Variants in ZMYM2 observed in about 807,000 individuals in gnomAD.
The protein encoded by ZMYM2 is zinc finger MYM-type protein 2.
ZMYM2 carries 56 observed loss-of-function variants against 162.8 expected under a neutral mutation model. The observed-to-expected ratio is 0.34, with a 90% CI of 0.28 to 0.43. The LOEUF is 0.43. ZMYM2 is among the 20% of genes least tolerant of loss of function. The pLI is 1.00. For missense variants in ZMYM2, 1,275 were observed against 1,621.8 expected (o/e 0.79, Z 3.67); for synonymous variants, 510 against 541.6 (o/e 0.94, Z 0.81).
At chr13:19,919,679 TC>T in the ZMYM2 span, among the ~76,000 whole-genome samples, 3 of 69,604 alleles carry the variant, frequency 4.3e-5, no homozygotes, top group African/African-American at 1.5e-4. Context: ...TTTTTCTTTT[TC>T]TTTTTTTTTT....
At chr13:19,988,747 C>T (rs1165388446) in intron 2 of ZMYM2, among the ~76,000 whole-genome samples, 2 of 152,116 alleles carry the variant, frequency 1.3e-5, no homozygotes, top group Non-Finnish European at 2.9e-5. Context: ...GATTGCGCCA[C>T]TGCATTCCAG....
At chr13:20,055,499 G>GGCC (rs1955720568) in intron 14 of ZMYM2, among the ~76,000 whole-genome samples, 1 of 152,120 alleles carries the variant, frequency 6.6e-6, no homozygotes, top group Non-Finnish European at 1.5e-5. Flanking sequence ...GATGATTTTT[G>GGCC]TTGTTTAGAA....
At chr13:19,999,805 A>G (rs529956668) in intron 3 of ZMYM2, among the ~76,000 whole-genome samples, 2 of 152,242 alleles carry the variant, frequency 1.3e-5, no homozygotes, top group South Asian at 4.1e-4. Flanking sequence ...ACAAAGTGAA[A>G]TAGCCTTTTT....
At chr13:19,875,744 G>A in the ZMYM2 span, among the ~76,000 whole-genome samples, 302 of 151,754 alleles carry the variant, frequency 2.0e-3, no homozygotes, top group African/African-American at 6.9e-3. Context: ...CAAATACTGC[G>A]TGTTCTCCCT....
In ZMYM2 at chr13:20,082,115, A is replaced by G. The variant is rs753692282; in HGVS notation, c.3553A>G (p.Ser1185Gly). ...TAAAATACTGCGAAGCTGGCAACCA[A>G]GCATACTTCCAGATGGTAATGCTAT... The part of the protein sequence containing the change: ...LNKILRSWQP[S>G]ILPDGSIFSR... The change falls in exon 22 of 25, where the codon AGC becomes GGC. Residue 1185 changes from serine (S) to glycine (G), a missense_variant. Ser to Gly is a moderately conservative substitution (Grantham distance 56). This residue lies in a region of ZMYM2 where 103 missense variants were observed against 192.2 expected (regional missense o/e 0.54). Transcript: ENST00000610343. 1 of 1,603,602 alleles carries G rather than the reference A, an allele frequency of 6.2e-7. No individual in the cohort carries two copies. The highest frequency in any genetic ancestry group is 1.1e-5 in the South Asian group (1 of 88,186).
chr13:19,886,467 C>T, the ZMYM2 span, among the ~76,000 whole-genome samples: 3 of 151,624 alleles, frequency 2.0e-5, no homozygotes, highest in Non-Finnish European at 2.9e-5. Context: ...CCAGCGAAAA[C>T]GATTAATATT....
At chr13:20,060,806 T>A (rs1161742055) in intron 16 of ZMYM2, among the ~76,000 whole-genome samples, 1 of 152,256 alleles carries the variant, frequency 6.6e-6, no homozygotes, top group Admixed American at 6.5e-5. Flanking sequence ...AGGGCTTGGC[T>A]ATTATAGTCC....
the ZMYM2 span, among the ~76,000 whole-genome samples, chr13:19,931,033 G>A: frequency 1.4e-4 from 21 of 151,290 alleles, no homozygotes; most frequent in African/African-American, 4.8e-4. Flanking sequence ...TAGCTACTTG[G>A]GGGGCTGAGG....
intron 5 of ZMYM2, 99 bp from the exon 6 acceptor site, chr13:20,006,275 G>A (rs1024638408): frequency 4.1e-6 from 5 of 1,230,044 alleles, no homozygotes; most frequent in East Asian, 5.2e-5. Context: ...CTCCAAACAA[G>A]CCTTATTAGG....
chr13:19,946,535 A>G, the ZMYM2 span, among the ~76,000 whole-genome samples: 81 of 152,032 alleles, frequency 5.3e-4, 2 homozygotes, highest in Non-Finnish European at 2.6e-4. Context: ...GTATAGCAGA[A>G]CTCTGATTCC....
intron 7 of ZMYM2, among the ~76,000 whole-genome samples, chr13:20,023,475 G>A (rs755267998): frequency 2.6e-5 from 4 of 152,118 alleles, no homozygotes; most frequent in African/African-American, 7.2e-5. Context: ...TGACATTCAC[G>A]TGAAATTGGT....
intron 12 of ZMYM2, among the ~76,000 whole-genome samples, chr13:20,049,843 A>G (rs1470587041): frequency 1.3e-5 from 2 of 152,004 alleles, no homozygotes; most frequent in South Asian, 2.1e-4. Context: ...TGGTTCCTGC[A>G]TTGTTCGGAA....
intron 9 of ZMYM2, among the ~76,000 whole-genome samples, chr13:20,030,969 T>A (rs1003755301): frequency 6.6e-6 from 1 of 152,232 alleles, no homozygotes; most frequent in Admixed American, 6.5e-5. Context: ...CTTTTTGTTT[T>A]TTTAAACTTC....
intron 21 of ZMYM2, among the ~76,000 whole-genome samples, chr13:20,081,442 A>G (rs1464443042): frequency 6.6e-6 from 1 of 152,204 alleles, no homozygotes; most frequent in African/African-American, 2.4e-5. Flanking sequence ...GGTTTGTGAC[A>G]GTAAGTTACA....
Position 20,064,517 on chromosome 13 carries a change from A to C in ZMYM2, c.3104A>C (p.Glu1035Ala). 1 of 1,595,694 alleles carries C rather than the reference A, an allele frequency of 6.3e-7. No individual in the cohort carries two copies. The highest frequency in any genetic ancestry group is 8.5e-7 in the Non-Finnish European group (1 of 1,170,866). ...CCTGTTTTTGGCGAAGAATATGAGG[A>C]ACAGCCCAGACCTCGATCTAAAAAA... ...LPPVFGEEYEEQPRPRSKKKG... is the reference protein window; with the variant it reads ...LPPVFGEEYEAQPRPRSKKKG... The change falls in exon 19 of 25, where the codon GAA becomes GCA. Residue 1035 changes from glutamate (E) to alanine (A), a missense_variant. Transcript: ENST00000610343.
the ZMYM2 span, among the ~76,000 whole-genome samples, chr13:19,865,880 C>T: frequency 0.11 from 16,298 of 152,134 alleles, 1,005 homozygotes; most frequent in Middle Eastern, 0.14. Context: ...TCAGGACTCC[C>T]GGCTAATACA....
chr13:19,865,494 A>G, the ZMYM2 span, among the ~76,000 whole-genome samples: 49 of 152,344 alleles, frequency 3.2e-4, 1 homozygote, highest in African/African-American at 1.1e-3. Flanking sequence ...CTTTGGAAAT[A>G]AGTGAATTAC....
In ZMYM2 at chr13:19,993,844, C is replaced by G; in HGVS notation, c.772C>G (p.Pro258Ala). 6.2e-7 allele frequency: 1 copy of G among 1,613,992 alleles called. No homozygotes were observed. The highest frequency in any genetic ancestry group is 8.5e-7 in the Non-Finnish European group (1 of 1,179,980). ...TTCACAGACCAAGACTGGAGTAGGA[C>G]CTTTTAATCCTGGTAGAATGAATGT... ...LTSQTKTGVG[P>A]FNPGRMNVAG... Residue 258 changes from proline (P) to alanine (A), a missense_variant, in exon 3 of 25, where the codon CCT (proline) becomes GCT (alanine). By Grantham distance (27) the Pro-to-Ala change is conservative. Around this residue, in one of 10 missense-constraint regions of ZMYM2, gnomAD observed 115 missense variants for 175.3 expected, o/e 0.66. Coordinates refer to ENST00000610343, the MANE Select transcript of ZMYM2 (RefSeq NM_197968.4).
chr13:19,868,572 G>A, the ZMYM2 span, among the ~76,000 whole-genome samples: 3 of 152,046 alleles, frequency 2.0e-5, no homozygotes, highest in East Asian at 3.9e-4. Context: ...ATTGCTCTAC[G>A]TGGTCATTGT....
Sources: gnomAD v4.1 joint callset for allele counts (sites outside exome capture counted in the v4.1 genomes callset) on GRCh38, gnomAD v4.1.1 for gene constraint, gnomAD v4.1.1 regional missense constraint, MANE v1.5 for transcripts, NCBI Gene and HGNC (gene_info 2026-07-23, HGNC 2026-07-21) for gene names.